The following ANK3 variants were observed in gnomAD, a reference collection of about 807,000 sequenced individuals.
The protein encoded by ANK3 is ankyrin 3.
Under a neutral mutation model 370.9 loss-of-function variants are expected in ANK3, and 57 were observed. That is an observed-to-expected ratio of 0.15 (90% CI 0.12 to 0.19). The LOEUF (loss-of-function observed/expected upper bound fraction) is 0.19. Among genes scored for constraint, ANK3 ranks in the 10% least tolerant of loss-of-function variants. ANK3 has a pLI of 1.00. For missense variants in ANK3, 4,439 were observed against 5,302.1 expected, an observed-to-expected ratio of 0.84 and a Z score of 5.06; for synonymous variants, 1,929 against 1,946.3, an observed-to-expected ratio of 0.99 and a Z score of 0.23.
At chr10:60,386,068 G>A (rs1308594938) in intron 1 of ANK3, among the ~76,000 whole-genome samples, 1 of 152,136 alleles carries the variant, frequency 6.6e-6, no homozygotes, top group Non-Finnish European at 1.5e-5. Flanking sequence ...ATGGTAGGAT[G>A]AGCCACCTAC....
At chr10:60,316,757 T>C (rs1325656764) in intron 1 of ANK3, among the ~76,000 whole-genome samples, 1 of 152,170 alleles carries the variant, frequency 6.6e-6, no homozygotes, top group Non-Finnish European at 1.5e-5. Flanking sequence ...ATTTTTATTT[T>C]TTTTTATTGA....
At chr10:60,181,046 C>T (rs1398535465) in intron 18 of ANK3, among the ~76,000 whole-genome samples, 2 of 152,168 alleles carry the variant, frequency 1.3e-5, no homozygotes, top group Non-Finnish European at 1.5e-5. Flanking sequence ...AGCTTTCACA[C>T]TCTGCCCCGA....
chr10:60,230,837 C>T (rs997744843), intron 8 of ANK3, among the ~76,000 whole-genome samples: 3 of 151,006 alleles, frequency 2.0e-5, no homozygotes, highest in Non-Finnish European at 4.4e-5. Context: ...TGCAGTGAGC[C>T]GAGATTGCGC....
At chr10:60,279,790 A>T in intron 1 of ANK3, 151 bp from the exon 2 acceptor site, 1 of 659,378 alleles carries the variant, frequency 1.5e-6, no homozygotes. Context: ...AAGAACCAAG[A>T]AAAGGACACA....
chr10:60,109,503 C>T lies in ANK3; in HGVS notation c.2949-449G>A, dbSNP rs993841533. On this transcript the variant is annotated intron_variant, in intron 26 of 43. Coordinates refer to ENST00000280772, the MANE Select transcript of ANK3 (RefSeq NM_020987.5). ...ACTCCACAGTATGTCTTGATATTTACGACTCATAAAATAAATGTATTTTTA... is the reference window on the plus strand; with the variant it reads ...ACTCCACAGTATGTCTTGATATTTATGACTCATAAAATAAATGTATTTTTA... Among the ~76,000 whole-genome samples the T allele has an allele frequency of 5.9e-5, 9 of 152,128 alleles. No homozygotes were observed. The South Asian group carries it at 6.2e-4, about 11-fold the overall frequency.
intron 11 of ANK3, 122 bp from the exon 12 acceptor site, chr10:60,203,222 A>G: frequency 1.7e-6 from 1 of 587,368 alleles, no homozygotes; most frequent in Non-Finnish European, 3.0e-6. Context: ...ATTAGAAGAC[A>G]TCAGGACATT....
chr10:60,520,137 T>C (rs551953699), intron 2 of ANK3, among the ~76,000 whole-genome samples: 14 of 152,118 alleles, frequency 9.2e-5, no homozygotes, highest in Admixed American at 1.3e-4. Context: ...TGCAGCAACA[T>C]GGATGCAGCT....
Position 60,577,315 on chromosome 10 carries a change from G to T in ANK3, c.96+37871C>A, listed in dbSNP as rs143139149. Among the ~76,000 whole-genome samples, 420 of 152,166 alleles carry T rather than the reference G, an allele frequency of 2.8e-3. 1 individual carries two copies. Among genetic ancestry groups the T allele is most frequent in the Non-Finnish European group, 4.4e-3 (297 of 68,004 alleles). ...TGGGGCCCTAAACTTCTAGGCCATAGAAAAGATTTACAAATACTAAAGCCT... is the reference window on the plus strand; with the variant it reads ...TGGGGCCCTAAACTTCTAGGCCATATAAAAGATTTACAAATACTAAAGCCT... On this transcript the variant is annotated intron_variant, in intron 2 of 43. Coordinates refer to the ANK3 transcript ENST00000373827.
intron 1 of ANK3, among the ~76,000 whole-genome samples, chr10:60,662,150 G>T (rs1464332511): frequency 6.6e-6 from 1 of 152,030 alleles, no homozygotes; most frequent in Admixed American, 6.6e-5. Flanking sequence ...GGTCGTTTTT[G>T]AGTTTATTTT....
chr10:60,347,408 G>A (rs7100985), intron 1 of ANK3, among the ~76,000 whole-genome samples: 105,637 of 151,282 alleles, frequency 0.7, 38,128 homozygotes, highest in South Asian at 0.91. Flanking sequence ...GCTTGACTAT[G>A]AAGCACTTCC....
At chr10:60,210,339 A>C (rs1246371430) in intron 9 of ANK3, among the ~76,000 whole-genome samples, 1 of 152,150 alleles carries the variant, frequency 6.6e-6, no homozygotes, top group African/African-American at 2.4e-5. Flanking sequence ...GTAAATCGTG[A>C]GAAAACGCCT....
At chr10:60,106,132 G>T in intron 27 of ANK3, 73 bp from the exon 28 acceptor site, 1 of 1,346,874 alleles carries the variant, frequency 7.4e-7, no homozygotes, top group Non-Finnish European at 1.0e-6. Flanking sequence ...AAAATGTTTC[G>T]TTAACAGTAT....
chr10:60,676,795 C>T (rs7915574), intron 1 of ANK3, among the ~76,000 whole-genome samples: 50,344 of 151,958 alleles, frequency 0.33, 8,518 homozygotes, highest in African/African-American at 0.37. Context: ...TTCAAATATA[C>T]GGTTAGAAGG....
intron 1 of ANK3, among the ~76,000 whole-genome samples, chr10:60,326,986 C>G (rs967130928): frequency 3.3e-5 from 5 of 150,714 alleles, no homozygotes; most frequent in Admixed American, 2.6e-4. Context: ...TGCCACTGCA[C>G]TCCAGCCTGG....
In ANK3 at chr10:60,389,663, A is replaced by G; in HGVS notation, c.-125T>C. 4.0e-6 allele frequency: 6 copies of G among 1,484,388 alleles called. No individual in the cohort carries two copies. The highest frequency in any genetic ancestry group is 5.3e-6 in the Non-Finnish European group (6 of 1,123,468). 92.0% of individuals were successfully genotyped at this position (1,484,388 alleles called of 1,614,324 possible). A position where few individuals can be genotyped will look rare whatever the true frequency, so the allele number is the denominator to read the frequency against. Reference sequence around the variant, plus strand: ...TAGAGAGAAAGCTTTGACTAGAAGCAGGAAGATATTCACAATGCAAAGATG... The same window carrying G: ...TAGAGAGAAAGCTTTGACTAGAAGCGGGAAGATATTCACAATGCAAAGATG... On this transcript the variant is annotated 5_prime_UTR_variant, in exon 1 of 44. Transcript: ENST00000280772.
chr10:60,667,225 TA>T, intron 1 of ANK3, among the ~76,000 whole-genome samples: 1 of 108,770 alleles, frequency 9.2e-6, no homozygotes, highest in African/African-American at 4.0e-5. Context: ...ATATTAATTA[TA>T]TTGAATTGAA....
intron 1 of ANK3, among the ~76,000 whole-genome samples, chr10:60,356,127 A>C (rs1004409639): frequency 2.6e-5 from 4 of 152,188 alleles, no homozygotes; most frequent in Non-Finnish European, 2.9e-5. Flanking sequence ...CAGTAGAAAT[A>C]ATCTGAGGCA....
chr10:60,593,676 C>T (rs1418727553), intron 2 of ANK3, among the ~76,000 whole-genome samples: 1 of 152,002 alleles, frequency 6.6e-6, no homozygotes, highest in East Asian at 1.9e-4. Context: ...GTATTTACTA[C>T]AAGAAAATTA....
intron 8 of ANK3, among the ~76,000 whole-genome samples, chr10:60,218,097 C>CTTTTTTTTTTTTTTTTTTT (rs199989242): frequency 1.8e-4 from 23 of 126,152 alleles, no homozygotes; most frequent in African/African-American, 4.8e-4. Flanking sequence ...CTTTTTCTTT[C>CTTTTTTTTTTTTTTTTTTT]TTTTTTTTTT....
Sources: gnomAD v4.1 joint callset for allele counts (sites outside exome capture counted in the v4.1 genomes callset) on GRCh38, gnomAD v4.1.1 for gene constraint, MANE v1.5 for transcripts, NCBI Gene and HGNC (gene_info 2026-07-23, HGNC 2026-07-21) for gene names.